The following TASP1 variants were observed in gnomAD, a reference collection of about 807,000 sequenced individuals.
TASP1 encodes threonine aspartase 1.
TASP1 carries 16 observed loss-of-function variants against 56.6 expected under a neutral mutation model. The ratio of observed to expected loss-of-function variants is 0.28; its 90% CI spans 0.19 to 0.43. The LOEUF is 0.43. TASP1 is among the 20% of genes least tolerant of loss of function. The probability of loss-of-function intolerance (pLI) is 1.00; values close to 1 mark genes in which losing one functional copy is unlikely to be tolerated. For missense variants in TASP1, 393 were observed against 511.6 expected (o/e 0.77, Z 2.24); for synonymous variants, 179 against 184.2 (o/e 0.97, Z 0.23).
intron 1 of TASP1, among the ~76,000 whole-genome samples, chr20:13,631,363 T>C (rs1207201239): frequency 6.6e-6 from 1 of 152,210 alleles, no homozygotes; most frequent in Non-Finnish European, 1.5e-5. Flanking sequence ...TTTTGTTTTG[T>C]GGTGGTGTGT....
chr20:13,592,502 G>A (rs2047571795), intron 4 of TASP1, among the ~76,000 whole-genome samples: 1 of 151,874 alleles, frequency 6.6e-6, no homozygotes, highest in African/African-American at 2.4e-5. Context: ...TAAGAGCATA[G>A]ACAGCTAAAA....
the TASP1 span, chr20:13,288,560 G>A: frequency 6.2e-7 from 1 of 1,613,916 alleles, no homozygotes; most frequent in East Asian, 2.2e-5. Context: ...TGGCGAGGGT[G>A]ACTGGAGTCT....
At chr20:13,353,217 C>T in the TASP1 span, among the ~76,000 whole-genome samples, 1 of 139,552 alleles carries the variant, frequency 7.2e-6, no homozygotes, top group Non-Finnish European at 1.5e-5. Context: ...GCCTAAGTTA[C>T]ATATTAGGTG....
At chr20:13,575,969 T>C (rs1290975316) in intron 6 of TASP1, among the ~76,000 whole-genome samples, 2 of 151,976 alleles carry the variant, frequency 1.3e-5, no homozygotes, top group Admixed American at 6.6e-5. Context: ...CCCAGCACTG[T>C]GGGAGGCTGA....
chr20:13,389,148 C>A (rs1306903466), downstream of TASP1, among the ~76,000 whole-genome samples: 1 of 152,202 alleles, frequency 6.6e-6, no homozygotes, highest in Non-Finnish European at 1.5e-5. Flanking sequence ...TTAGCTGCCA[C>A]TACAATTTTT....
At chr20:13,576,231 AGGG>A in intron 6 of TASP1, among the ~76,000 whole-genome samples, 4 of 90,750 alleles carry the variant, frequency 4.4e-5, no homozygotes, top group East Asian at 3.3e-4. Context: ...AGGGGAGGGG[AGGG>A]GAGCGGAGGG....
intron 10 of TASP1, among the ~76,000 whole-genome samples, chr20:13,521,198 T>C (rs1218145831): frequency 6.6e-6 from 1 of 152,122 alleles, no homozygotes; most frequent in Non-Finnish European, 1.5e-5. Flanking sequence ...AGTTCAACCA[T>C]TGTGGAAGTC....
chr20:13,620,745 A>G (rs919919418), intron 4 of TASP1, among the ~76,000 whole-genome samples: 1 of 152,256 alleles, frequency 6.6e-6, no homozygotes, highest in Admixed American at 6.5e-5. Flanking sequence ...ACACATTGTT[A>G]ATACAGCTCT....
chr20:13,131,851 T>TA, the TASP1 span, among the ~76,000 whole-genome samples: 1 of 152,142 alleles, frequency 6.6e-6, no homozygotes, highest in South Asian at 2.1e-4. Flanking sequence ...TCTGTCGTCT[T>TA]TTCAGCTTAC....
chr20:13,501,223 C>A (rs2043933621), intron 10 of TASP1, among the ~76,000 whole-genome samples: 1 of 151,900 alleles, frequency 6.6e-6, no homozygotes, highest in African/African-American at 2.4e-5. Flanking sequence ...TACTAAAGGG[C>A]ATTTGTTTAG....
At chr20:13,525,675 A>C (rs910313443) in intron 10 of TASP1, among the ~76,000 whole-genome samples, 1 of 152,166 alleles carries the variant, frequency 6.6e-6, no homozygotes, top group East Asian at 1.9e-4. Flanking sequence ...TATTTTGGCC[A>C]AACAGTTGCA....
intron 13 of TASP1, among the ~76,000 whole-genome samples, chr20:13,415,648 CA>C (rs2042230475): frequency 1.3e-5 from 2 of 152,108 alleles, no homozygotes; most frequent in Middle Eastern, 3.4e-3. Flanking sequence ...AGATGTCAAG[CA>C]ATATAACTGG....
chr20:13,493,034 TCA>T (rs1009004913), intron 10 of TASP1, among the ~76,000 whole-genome samples: 6 of 152,076 alleles, frequency 3.9e-5, no homozygotes, highest in African/African-American at 1.4e-4. Flanking sequence ...TATAACCAAA[TCA>T]CACACTCATA....
the TASP1 span, among the ~76,000 whole-genome samples, chr20:13,366,537 C>G: frequency 6.6e-6 from 1 of 152,248 alleles, no homozygotes; most frequent in South Asian, 2.1e-4. Context: ...CACACCACAC[C>G]CAGACCTACT....
intron 10 of TASP1, among the ~76,000 whole-genome samples, chr20:13,520,024 T>A (rs1261839655): frequency 5.9e-5 from 9 of 152,294 alleles, no homozygotes; most frequent in South Asian, 2.1e-4. Context: ...CATTCACAAT[T>A]GCTTCAAAGA....
the TASP1 span, among the ~76,000 whole-genome samples, chr20:13,134,548 C>T: frequency 6.6e-6 from 1 of 152,236 alleles, no homozygotes; most frequent in Admixed American, 6.5e-5. Flanking sequence ...GGTCCCTGGA[C>T]CACCAGCAGC....
the TASP1 span, among the ~76,000 whole-genome samples, chr20:13,184,010 C>T: frequency 1.5e-5 from 2 of 131,610 alleles, no homozygotes; most frequent in African/African-American, 5.8e-5. Context: ...GCCTAGGTGA[C>T]AGAGTGAGAC....
chr20:13,383,301 ATC>A, the TASP1 span, among the ~76,000 whole-genome samples: 1 of 152,208 alleles, frequency 6.6e-6, no homozygotes, highest in African/African-American at 2.4e-5. Context: ...GCAAAAGACA[ATC>A]TGATTGTAGC....
chr20:13,547,256 A>G (rs1325281168), intron 8 of TASP1, among the ~76,000 whole-genome samples: 1 of 152,226 alleles, frequency 6.6e-6, no homozygotes, highest in Non-Finnish European at 1.5e-5. Flanking sequence ...AACACTTATT[A>G]AGTACCTGTC....
Sources: gnomAD v4.1 joint callset for allele counts (sites outside exome capture counted in the v4.1 genomes callset) on GRCh38, gnomAD v4.1.1 for gene constraint, MANE v1.5 for transcripts, NCBI Gene and HGNC (gene_info 2026-07-23, HGNC 2026-07-21) for gene names.